CELSR1: variants seen among roughly 807,000 people sequenced by gnomAD.
CELSR1 encodes the protein cadherin EGF LAG seven-pass G-type receptor 1.
In CELSR1, 110 loss-of-function variants were observed where a neutral mutation model predicts 249.1. The observed-to-expected ratio is 0.44, with a 90% CI of 0.38 to 0.52. CELSR1 has a LOEUF of 0.52. CELSR1 is among the 20% of genes least tolerant of loss of function. The probability of loss-of-function intolerance (pLI) is 0.00; values close to 1 mark genes in which losing one functional copy is unlikely to be tolerated. For synonymous variants in CELSR1, 2,113 were observed against 1,900.0 expected (o/e 1.11, Z -2.92); for missense variants, 4,109 against 4,296.4 (o/e 0.96, Z 1.22).
At position 46,411,876 on chromosome 22, in the gene CELSR1, A is replaced by G; in HGVS notation, c.4612-117T>C. The stretch of plus-strand genomic sequence containing the variant: ...GGCACAGGGTGGGCGGCACGTAGAC[A>G]AGGGATGAGGAGCCCCCGGCCTTTA... On this transcript the variant is annotated intron_variant, in intron 5 of 34. Transcript: ENST00000674500. The surrounding 1 kb of genome is among the most constrained non-coding windows in gnomAD (Gnocchi z 4.2). 2 of 1,338,540 alleles carry G rather than the reference A, an allele frequency of 1.5e-6. No individual in the cohort carries two copies. The highest frequency in any genetic ancestry group is 2.3e-5 in the East Asian group (1 of 43,412). 82.9% of individuals were successfully genotyped at this position (1,338,540 alleles called of 1,614,324 possible).
At chr22:46,369,362 G>T in intron 26 of CELSR1, 104 bp from the exon 27 acceptor site, 2 of 994,544 alleles carry the variant, frequency 2.0e-6, no homozygotes, top group Non-Finnish European at 3.1e-6. Flanking sequence ...GGGGTGGCTG[G>T]GTGAGGAGGA....
In CELSR1 at chr22:46,402,418, T is replaced by C. The variant is rs1292689942; in HGVS notation, c.5227-2516A>G. Among the ~76,000 whole-genome samples, 1 of 152,120 alleles carries C rather than the reference T, an allele frequency of 6.6e-6. No individual in the cohort carries two copies. The highest frequency in any genetic ancestry group is 1.5e-5 in the Non-Finnish European group (1 of 68,030). On this transcript the variant is annotated intron_variant, in intron 9 of 34. Transcript: ENST00000674500. The surrounding 1 kb of genome is among the most constrained non-coding windows in gnomAD (Gnocchi z 5.0). ...TTTTAGTAGAGACGGGGCTTCTCCA[T>C]GTTGGTCAGGCTGGTCTCGAACTCC... is the stretch of plus-strand genomic sequence containing the variant.
rs138453756 is a variant in CELSR1 at position 46,486,742 on chromosome 22, C to T, written c.3545-22397G>A. On this transcript the variant is annotated intron_variant, in intron 1 of 34. Coordinates refer to ENST00000674500, the MANE Select transcript of CELSR1 (RefSeq NM_001378328.1). ...CCTGCAATTCCAGCTACTCGGGAGGCTGCAGCAGGATAATCGCTTGAACCC... is the reference window on the plus strand; with the variant it reads ...CCTGCAATTCCAGCTACTCGGGAGGTTGCAGCAGGATAATCGCTTGAACCC... Among the ~76,000 whole-genome samples, 6 of 151,984 alleles carry T rather than the reference C, an allele frequency of 3.9e-5. No individual in the cohort carries two copies. The East Asian group carries it at 1.2e-3, about 29-fold the overall frequency.
chr22:46,466,332 C>T (rs1281955513), intron 1 of CELSR1, among the ~76,000 whole-genome samples: 1 of 152,232 alleles, frequency 6.6e-6, no homozygotes, highest in Non-Finnish European at 1.5e-5. Flanking sequence ...ACGGCTGGGT[C>T]CCACAGGATG....
In CELSR1 at chr22:46,364,114, C is replaced by T. The variant is rs200582650; in HGVS notation, c.8917G>A (p.Gly2973Ser). 8.1e-6 allele frequency: 13 copies of T among 1,612,224 alleles called. No individual in the cohort carries two copies. The highest frequency in any genetic ancestry group is 4.4e-5 in the South Asian group (4 of 91,066). Residue 2973 changes from glycine (G) to serine (S), a missense_variant, in exon 34 of 35, where the codon GGC becomes AGC. Gly to Ser is a moderately conservative substitution (Grantham distance 56, BLOSUM62 0). This residue lies in a region of CELSR1 where 1,805 missense variants were observed against 1,831.6 expected (regional missense o/e 0.99). Coordinates refer to ENST00000674500, the MANE Select transcript of CELSR1 (RefSeq NM_001378328.1). The stretch of plus-strand genomic sequence containing the variant: ...TTGACTGTGATGGCGCAGTCGGGGC[C>T]GCCAGAGCCCAGGGAAGACGTGCGC... Reference protein sequence around the residue: ...SSRTSSLGSGGPDCAITVKSP... With the variant: ...SSRTSSLGSGSPDCAITVKSP...
rs2080755097 is a variant in CELSR1 at position 46,527,994 on chromosome 22, C to T, written c.3544+5633G>A. ...CCTATAATCCCAGCTACTTGGGAAGCTGAGGCAGCTGAGGCAGGAGAATCA... is the reference window on the plus strand; with the variant it reads ...CCTATAATCCCAGCTACTTGGGAAGTTGAGGCAGCTGAGGCAGGAGAATCA... On this transcript the variant is annotated intron_variant, in intron 1 of 34. Transcript: ENST00000674500. The surrounding 1 kb of genome is among the most constrained non-coding windows in gnomAD (Gnocchi z 5.5). 6.6e-6 allele frequency among the ~76,000 whole-genome samples: 1 copy of T among 151,430 alleles called. No individual in the cohort carries two copies. The highest frequency in any genetic ancestry group is 6.6e-5 in the Admixed American group (1 of 15,154).
intron 1 of CELSR1, among the ~76,000 whole-genome samples, chr22:46,529,696 A>T (rs1372542747): frequency 6.6e-6 from 1 of 151,928 alleles, no homozygotes; most frequent in Non-Finnish European, 1.5e-5. Flanking sequence ...CAATGTACTC[A>T]GGAGGCTGAG....
rs1312097876 is a variant in CELSR1 at position 46,386,478 on chromosome 22, C to T, written c.6663G>A (p.Glu2221=). The T allele has an allele frequency of 1.2e-6, 2 of 1,601,950 alleles. No individual in the cohort carries two copies. The highest frequency in any genetic ancestry group is 2.2e-5 in the South Asian group (2 of 89,216). ...TGCGTGCCACGTTGCTGAAGTAGCC[C>T]TCGAGGCGCCGGAGCAGCTGTGCCG... is the stretch of plus-strand genomic sequence containing the variant. ...GGTAQLLRRL[E]GYFSNVARNV... The change falls in exon 19 of 35, where the codon GAG becomes GAA. Residue 2221 remains glutamate, a synonymous_variant. Transcript: ENST00000674500.
Position 46,442,358 on chromosome 22 carries a change from AGT to A in CELSR1, c.4184-2949_4184-2948del, listed in dbSNP as rs575148145. 1.7e-3 allele frequency among the ~76,000 whole-genome samples: 266 copies of A among 152,348 alleles called. 2 individuals are homozygous for A. The highest frequency in any genetic ancestry group is 8.5e-3 in the South Asian group (41 of 4,832). The stretch of plus-strand genomic sequence containing the variant: ...TCCAGCAATGGGTCAGGGTGGACAC[AGT>A]GACCATCAGACTGCCCAACGCAGGC... On this transcript the variant is annotated intron_variant, in intron 2 of 34. Coordinates refer to ENST00000674500, the MANE Select transcript of CELSR1 (RefSeq NM_001378328.1).
rs924180180 is a variant in CELSR1, at chr22:46,408,095, C to G, written c.5226+901G>C. ...AAGTGTCTACGGAGCATGGAAGATGCGAGCAGAAACCGTGTGGCGCAGAAA... is the reference window on the plus strand; with the variant it reads ...AAGTGTCTACGGAGCATGGAAGATGGGAGCAGAAACCGTGTGGCGCAGAAA... On this transcript the variant is annotated intron_variant, in intron 9 of 34. Coordinates refer to ENST00000674500, the MANE Select transcript of CELSR1 (RefSeq NM_001378328.1). This position sits in a 1 kb window ranked among gnomAD's most constrained non-coding sequence, Gnocchi z 4.6. Among the ~76,000 whole-genome samples, 1 of 152,208 alleles carries G rather than the reference C, an allele frequency of 6.6e-6. No homozygotes were observed. Among genetic ancestry groups the G allele is most frequent in the Admixed American group, 6.5e-5 (1 of 15,286 alleles).
In CELSR1 at chr22:46,381,402, G is replaced by A. The variant is rs2078976576; in HGVS notation, c.7088+444C>T. Among the ~76,000 whole-genome samples, 1 of 151,974 alleles carries A rather than the reference G, an allele frequency of 6.6e-6. No homozygotes were observed. Among genetic ancestry groups the A allele is most frequent in the African/African-American group, 2.4e-5 (1 of 41,366 alleles). ...AAATGGCAGGAAGAAGGAGGGCGGAGCCTTGGGCTGCTCCCACCGAGCAGG... is the reference window on the plus strand; with the variant it reads ...AAATGGCAGGAAGAAGGAGGGCGGAACCTTGGGCTGCTCCCACCGAGCAGG... On this transcript the variant is annotated intron_variant, in intron 21 of 34. Coordinates refer to ENST00000674500, the MANE Select transcript of CELSR1 (RefSeq NM_001378328.1). This position sits in a 1 kb window ranked among gnomAD's most constrained non-coding sequence, Gnocchi z 6.0.
rs545105843 is a variant in CELSR1, at chr22:46,374,747, C to T, written c.7585-1690G>A. On this transcript the variant is annotated intron_variant, in intron 24 of 34. Transcript: ENST00000674500. The surrounding 1 kb of genome is among the most constrained non-coding windows in gnomAD (Gnocchi z 4.3). ...ACTAGAGGGGTTTTGAGATGAAATC[C>T]GCACACTTCTCAGAGCCTTCCCAGA... Among the ~76,000 whole-genome samples the T allele has an allele frequency of 2.6e-5, 4 of 152,288 alleles. No homozygotes were observed. Among genetic ancestry groups the T allele is most frequent in the African/African-American group, 9.6e-5 (4 of 41,520 alleles).
Position 46,373,112 on chromosome 22 carries a change from A to G in CELSR1, c.7585-55T>C, listed in dbSNP as rs2078874310. ...CCCCTGCATCCCAGGCTGAGGTCAG[A>G]CAGGCATGAGTGAGGGGTGGGGGAT... On this transcript the variant is annotated intron_variant, in intron 24 of 34. Coordinates refer to ENST00000674500, the MANE Select transcript of CELSR1 (RefSeq NM_001378328.1). 3 of 1,503,374 alleles carry G rather than the reference A, an allele frequency of 2.0e-6. No homozygotes were observed. The South Asian group carries it at 3.9e-5, about 19-fold the overall frequency. 93.1% of individuals were successfully genotyped at this position (1,503,374 alleles called of 1,614,324 possible).
At chr22:46,443,498 C>T (rs1400655085) in intron 2 of CELSR1, among the ~76,000 whole-genome samples, 1 of 152,250 alleles carries the variant, frequency 6.6e-6, no homozygotes, top group Non-Finnish European at 1.5e-5. Context: ...TACCACTCCC[C>T]GCTATGGGGG....
chr22:46,485,716 C>T (rs1487920066), intron 1 of CELSR1, among the ~76,000 whole-genome samples: 1 of 152,140 alleles, frequency 6.6e-6, no homozygotes, highest in Non-Finnish European at 1.5e-5. Context: ...TGGCGGGGAC[C>T]GTTGACGCTC....
chr22:46,511,573 C>T (rs1017699778), intron 1 of CELSR1, among the ~76,000 whole-genome samples: 3 of 152,234 alleles, frequency 2.0e-5, no homozygotes, highest in African/African-American at 7.2e-5. Context: ...TCGGGCCAGG[C>T]ACCCAAAGCT....
In CELSR1 at chr22:46,536,342, C is replaced by T. The variant is rs1444432808; in HGVS notation, c.829G>A (p.Glu277Lys). ...LHAHYTIEGE[E>K]ERVSYYMEGL... is the part of the protein sequence containing the mutation. ...TCCATGTAATAGCTCACGCGCTCCT[C>T]CTCGCCCTCGATGGTGTAGTGCGCG... Residue 277 changes from glutamate to lysine, a missense_variant, in exon 1 of 35, where the codon GAG becomes AAG. This residue lies in a region of CELSR1 where 673 missense variants were observed against 636.8 expected (regional missense o/e 1.06). Transcript: ENST00000674500. The T allele has an allele frequency of 1.2e-6, 2 of 1,612,734 alleles. No homozygotes were observed. The highest frequency in any genetic ancestry group is 1.7e-5 in the Admixed American group (1 of 60,032).
chr22:46,383,371 C>T (rs559196698), intron 20 of CELSR1, among the ~76,000 whole-genome samples: 1 of 152,172 alleles, frequency 6.6e-6, no homozygotes, highest in Non-Finnish European at 1.5e-5. Flanking sequence ...TGTAAAAAAG[C>T]ACCTTAAGAA....
At chr22:46,455,928 T>C (rs540115567) in intron 2 of CELSR1, among the ~76,000 whole-genome samples, 11 of 152,334 alleles carry the variant, frequency 7.2e-5, no homozygotes, top group Admixed American at 1.3e-4. Flanking sequence ...ACCAGGGACA[T>C]GGCAAATCTC....
Sources: allele counts gnomAD v4.1 joint callset (sites outside exome capture counted in the v4.1 genomes callset), GRCh38; gene constraint gnomAD v4.1.1; regional missense constraint gnomAD v4.1.1; non-coding constraint Gnocchi (gnomAD v3.1); transcripts MANE v1.5; gene names NCBI Gene and HGNC (gene_info 2026-07-23, HGNC 2026-07-21).